Variants in BDKRB2 observed in about 807,000 individuals in gnomAD.
BDKRB2 encodes the protein B2 bradykinin receptor.
BDKRB2 carries 6 observed loss-of-function variants against 4.0 expected under a neutral mutation model. The ratio of observed to expected loss-of-function variants is 1.49; its 90% confidence interval spans 0.81 to 2.93. The LOEUF is 2.93. Ranked by LOEUF, BDKRB2 falls within the 30% of genes most tolerant of loss-of-function variation. The pLI is 0.00. For synonymous variants in BDKRB2, 225 were observed against 215.3 expected, an observed-to-expected ratio of 1.05 and a Z score of -0.40; for missense variants, 478 against 520.1, an observed-to-expected ratio of 0.92 and a Z score of 0.79.
chr14:96,239,187 CAATGAGTCCTGCCCTCTGGG>C, intron 2 of BDKRB2: 1 of 985,364 alleles, frequency 1.0e-6, no homozygotes, highest in African/African-American at 1.7e-5. Flanking sequence ...GGAAAATGCC[CAATGAGTCCTGCCCTCTGGG>C]TTGTGCTTTG....
intron 1 of BDKRB2, among the ~76,000 whole-genome samples, 165 bp downstream of exon 1, chr14:96,205,124 C>T (rs1172725171): frequency 6.6e-6 from 1 of 152,056 alleles, no homozygotes; most frequent in Non-Finnish European, 1.5e-5. Context: ...GTCTGACAGG[C>T]GATGGGGAGA....
At chr14:96,210,698 G>A (rs1437931325) in intron 1 of BDKRB2, among the ~76,000 whole-genome samples, 3 of 152,160 alleles carry the variant, frequency 2.0e-5, no homozygotes, top group Non-Finnish European at 2.9e-5. Flanking sequence ...GCTGTCATTA[G>A]GAATAAGGAT....
intron 1 of BDKRB2, among the ~76,000 whole-genome samples, chr14:96,230,136 CAA>C (rs1310136598): frequency 9.4e-6 from 1 of 106,408 alleles, no homozygotes; most frequent in South Asian, 2.9e-4. Flanking sequence ...TCCGTCTCAA[CAA>C]AAAAAAAAAA....
Position 96,204,899 on chromosome 14 carries a change from TC to T in BDKRB2, c.-99del. ...GGGGACGGTGGGGACGGTGGGGACA[TC>T]AGGCTGCCCCGCAGTACCAGGGAGC... On this transcript the variant is annotated 5_prime_UTR_variant, in exon 1 of 3. Transcript: ENST00000554311. 3.1e-6 allele frequency: 1 copy of T among 320,994 alleles called. No individual in the cohort carries two copies. Among genetic ancestry groups the T allele is most frequent in the Admixed American group, 4.0e-5 (1 of 25,062 alleles). 19.9% of individuals were successfully genotyped at this position (320,994 alleles called of 1,614,324 possible).
At chr14:96,216,711 A>C in intron 1 of BDKRB2, among the ~76,000 whole-genome samples, 1 of 65,752 alleles carries the variant, frequency 1.5e-5, no homozygotes, top group South Asian at 5.3e-4. Context: ...AGGAAGGAGG[A>C]GGAAGAGGAA....
chr14:96,224,481 G>T (rs138509360), intron 1 of BDKRB2, among the ~76,000 whole-genome samples: 8 of 152,286 alleles, frequency 5.3e-5, no homozygotes, highest in African/African-American at 1.4e-4. Context: ...ATGAAATGAA[G>T]ATATGTTGCA....
Position 96,240,401 on chromosome 14 carries a change from A to C in BDKRB2, c.75-2A>C. ...AACAGCCTCTTTTCCACTTTCTTTC[A>C]GCGCCGACATGCTCAATGTCACCTT... On this transcript the variant is annotated splice_acceptor_variant, in intron 2 of 2. Coordinates refer to ENST00000554311, the MANE Select transcript of BDKRB2 (RefSeq NM_001379692.1). LOFTEE classifies it high-confidence loss of function. 7.0e-7 allele frequency: 1 copy of C among 1,421,196 alleles called. No individual in the cohort carries two copies. The highest frequency in any genetic ancestry group is 9.2e-7 in the Non-Finnish European group (1 of 1,083,434). The allele number at this position is 1,421,196 out of a possible 1,614,324, so 88.0% of individuals were successfully genotyped here.
chr14:96,239,381 G>A (rs1377617152), intron 2 of BDKRB2: 1 of 985,332 alleles, frequency 1.0e-6, no homozygotes. Flanking sequence ...ACACAGCTAG[G>A]AGTGGAACTC....
chr14:96,241,179 T>TGCC lies in BDKRB2; in HGVS notation c.852_854dup (p.Pro285dup). On this transcript the variant is annotated inframe_insertion, in exon 3 of 3. Transcript: ENST00000554311. ...CTGCTGCTATTCATCATCTGCTGGC[T>TGCC]GCCCTTCCAGATCAGCACCTTCCTG... 6.2e-7 allele frequency: 1 copy of TGCC among 1,605,842 alleles called. No individual in the cohort carries two copies. The highest frequency in any genetic ancestry group is 8.5e-7 in the Non-Finnish European group (1 of 1,173,984).
rs145352147 is a variant in BDKRB2 at position 96,230,434 on chromosome 14, G to A, written c.-39-6635G>A. On this transcript the variant is annotated intron_variant, in intron 1 of 2. Transcript: ENST00000554311. ...TTTTGAGACGGAGTCTCGCTCTGTC[G>A]CCCAGGCTGGAGTGCAACGGTGCGA... is the stretch of plus-strand genomic sequence containing the variant. Among the ~76,000 whole-genome samples, 271 of 152,068 alleles carry A rather than the reference G, an allele frequency of 1.8e-3. 6 individuals are homozygous for A. In the East Asian group the frequency reaches 0.036, roughly 20 times the overall value.
At chr14:96,226,991 A>T (rs1199748874) in intron 1 of BDKRB2, among the ~76,000 whole-genome samples, 2 of 152,176 alleles carry the variant, frequency 1.3e-5, no homozygotes, top group Admixed American at 1.3e-4. Flanking sequence ...GAGTCCCTCT[A>T]ACCTGGGTCA....
At chr14:96,225,045 T>C (rs186722849) in intron 1 of BDKRB2, among the ~76,000 whole-genome samples, 19 of 152,280 alleles carry the variant, frequency 1.2e-4, no homozygotes, top group African/African-American at 4.3e-4. Flanking sequence ...AAGACAGATT[T>C]GTTCCTCCCA....
At chr14:96,219,832 G>A (rs1459611705) in intron 1 of BDKRB2, among the ~76,000 whole-genome samples, 1 of 151,864 alleles carries the variant, frequency 6.6e-6, no homozygotes, top group Non-Finnish European at 1.5e-5. Context: ...GCCTGGGAGG[G>A]TCTCCTAGAG....
chr14:96,241,951 T>G lies in BDKRB2; in HGVS notation c.*447T>G, dbSNP rs201843352. ...GTTGTTGCCCTGGGTTTCTTTAATC[T>G]ATTCAGCTAGAACTTTGAAGGACAA... On this transcript the variant is annotated 3_prime_UTR_variant, in exon 3 of 3. Transcript: ENST00000554311. The G allele has an allele frequency of 1.3e-5, 2 of 157,154 alleles. No individual in the cohort carries two copies. The highest frequency in any genetic ancestry group is 2.4e-5 in the African/African-American group (1 of 41,612). The allele number at this position is 157,154 out of a possible 1,614,324, so 9.7% of individuals were successfully genotyped here.
At chr14:96,225,969 G>A (rs1180183473) in intron 1 of BDKRB2, among the ~76,000 whole-genome samples, 1 of 152,138 alleles carries the variant, frequency 6.6e-6, no homozygotes, top group Non-Finnish European at 1.5e-5. Context: ...GGGGGCTGGA[G>A]AGGCTGCGGG....
Position 96,225,202 on chromosome 14 carries a change from G to T in BDKRB2, c.-39-11867G>T, listed in dbSNP as rs185391394. ...TTTAAAGACATTACGGTTGTACAAAGGTCTCCAGAATCATCTGTTACATCC... is the reference window on the plus strand; with the variant it reads ...TTTAAAGACATTACGGTTGTACAAATGTCTCCAGAATCATCTGTTACATCC... On this transcript the variant is annotated intron_variant, in intron 1 of 2. Transcript: ENST00000554311. 2.6e-5 allele frequency among the ~76,000 whole-genome samples: 4 copies of T among 152,188 alleles called. No homozygotes were observed. The East Asian group carries it at 7.7e-4, about 29-fold the overall frequency.
intron 1 of BDKRB2, among the ~76,000 whole-genome samples, chr14:96,211,978 G>T: frequency 6.6e-6 from 1 of 152,268 alleles, no homozygotes; most frequent in Non-Finnish European, 1.5e-5. Context: ...TTCTGCAGGC[G>T]TCCTTATACA....
In BDKRB2 at chr14:96,237,155, C is replaced by T. The variant is rs2139796331; in HGVS notation, c.48C>T (p.Asp16=). 1.2e-6 allele frequency: 2 copies of T among 1,614,080 alleles called. No individual in the cohort carries two copies. The highest frequency in any genetic ancestry group is 1.7e-6 in the Non-Finnish European group (2 of 1,179,896). Residue 16 remains aspartate, a synonymous_variant, in exon 2 of 3, where the codon GAC becomes GAT. Transcript: ENST00000554311. The stretch of plus-strand genomic sequence containing the variant: ...CAATGTTTCTGTCTGTTCGTGAGGA[C>T]TCCGTGCCCACCACGGCCTCTTTCA... ...KISMFLSVRE[D]SVPTTASFSA...
chr14:96,226,132 A>G (rs955685606), intron 1 of BDKRB2, among the ~76,000 whole-genome samples: 2 of 151,902 alleles, frequency 1.3e-5, no homozygotes, highest in Admixed American at 6.6e-5. Context: ...GAGGGTTTCT[A>G]TTTTTTCCTG....
Sources: gnomAD v4.1 joint callset for allele counts (sites outside exome capture counted in the v4.1 genomes callset) on GRCh38, gnomAD v4.1.1 for gene constraint, MANE v1.5 for transcripts, NCBI Gene and HGNC (gene_info 2026-07-23, HGNC 2026-07-21) for gene names.